The following SLC22A17 variants were observed in gnomAD, a reference collection of about 807,000 sequenced individuals.
The protein encoded by SLC22A17 is solute carrier family 22 member 17.
In SLC22A17, 38 loss-of-function variants were observed where a neutral mutation model predicts 53.6. The ratio of observed to expected loss-of-function variants is 0.71; its 90% CI spans 0.55 to 0.93. The LOEUF (loss-of-function observed/expected upper bound fraction) is 0.93. Among genes scored for constraint, SLC22A17 ranks in the 40% least tolerant of loss-of-function variants. The probability of loss-of-function intolerance (pLI) is 0.00; values close to 1 mark genes in which losing one functional copy is unlikely to be tolerated. For missense variants in SLC22A17, 704 were observed against 791.0 expected (o/e 0.89, Z 1.32); for synonymous variants, 379 against 353.0 (o/e 1.07, Z -0.82).
rs750340103 is a variant in SLC22A17, at chr14:23,352,437, G to T, written c.111C>A (p.Leu37=). Residue 37 remains leucine (L), a synonymous_variant, in exon 2 of 10, where the codon CTC becomes CTA. Coordinates refer to ENST00000397267, the Ensembl canonical transcript of SLC22A17. The surrounding 1 kb of genome is among the most constrained non-coding windows in gnomAD (Gnocchi z 7.2). ...GCTGCTCCGTGGGCACCGCATCTCC[G>T]AGGGTCCCGACCTGCTGTTGGGGGG... The T allele has an allele frequency of 6.3e-6, 3 of 478,432 alleles. No individual in the cohort carries two copies. The highest frequency in any genetic ancestry group is 1.1e-5 in the Non-Finnish European group (3 of 279,022). The allele number at this position is 478,432 out of a possible 1,614,324, so 29.6% of individuals were successfully genotyped here. A position where few individuals can be genotyped will look rare whatever the true frequency, so the allele number is the denominator to read the frequency against.
At chr14:23,346,494 G>T in exon 10 of SLC22A17, 1 of 923,310 alleles carries the variant, frequency 1.1e-6, no homozygotes, top group Non-Finnish European at 1.6e-6. Context: ...CAGGGAGGAG[G>T]CAGGGTGGGG....
chr14:23,347,273 G>A lies in SLC22A17; in HGVS notation c.1550-61C>T, dbSNP rs1057133886. 16 of 1,516,668 alleles carry A rather than the reference G, an allele frequency of 1.1e-5. No homozygotes were observed. The Admixed American group carries it at 1.3e-4, about 13-fold the overall frequency. The allele number at this position is 1,516,668 out of a possible 1,614,324, so 94.0% of individuals were successfully genotyped here. ...GGGAGGTCAAGGCTGGCCTAGTCCC[G>A]GGTGTCATCCCCTTGGCTCTCTGTT... is the stretch of plus-strand genomic sequence containing the variant. On this transcript the variant is annotated intron_variant, in intron 8 of 9. Coordinates refer to ENST00000397267, the Ensembl canonical transcript of SLC22A17. The surrounding 1 kb of genome is among the most constrained non-coding windows in gnomAD (Gnocchi z 5.1).
At chr14:23,346,884 C>G (rs994317813) in exon 10 of SLC22A17, 1 of 1,538,344 alleles carries the variant, frequency 6.5e-7, no homozygotes, top group Non-Finnish European at 8.7e-7. Flanking sequence ...TGGGCCGGGC[C>G]GCTCAGTCCT....
intron 3 of SLC22A17, 51 bp from the exon 4 acceptor site, chr14:23,349,477 A>G: frequency 1.9e-6 from 3 of 1,574,018 alleles, no homozygotes; most frequent in South Asian, 1.2e-5. Flanking sequence ...GTGGTGGGAA[A>G]GTTGCTGGGT....
intron 3 of SLC22A17, among the ~76,000 whole-genome samples, chr14:23,350,565 T>G (rs1471496498): frequency 6.6e-6 from 1 of 152,152 alleles, no homozygotes; most frequent in Non-Finnish European, 1.5e-5. Flanking sequence ...ATAAGACCAT[T>G]GATCTATGGA....
rs1029327260 is a variant in SLC22A17 at position 23,347,403 on chromosome 14, TG to T, written c.1549+56del. The T allele has an allele frequency of 3.2e-6, 5 of 1,585,476 alleles. No individual in the cohort carries two copies. In the African/African-American group the frequency reaches 5.4e-5, roughly 17 times the overall value. On this transcript the variant is annotated intron_variant, in intron 8 of 9. Coordinates refer to ENST00000397267, the Ensembl canonical transcript of SLC22A17. This position sits in a 1 kb window ranked among gnomAD's most constrained non-coding sequence, Gnocchi z 5.1. ...GCTCGTGGAAGAGCTGGGCAGGGTCTGGGGCTTGTCTTGGGAGGCCTGTGCC... is the reference window on the plus strand; with the variant it reads ...GCTCGTGGAAGAGCTGGGCAGGGTCTGGGCTTGTCTTGGGAGGCCTGTGCC...
In SLC22A17 at chr14:23,351,943, C is replaced by G. The variant is rs1344414780; in HGVS notation, c.600+5G>C. ...CCAGACCCGCGGCCCGCCTGGCCGC[C>G]TCACCTGGCCGATGGCGTTGGTGGT... On this transcript the variant is annotated splice_donor_5th_base_variant and intron_variant, in intron 2 of 9. Transcript: ENST00000397267. 7 of 1,612,026 alleles carry G rather than the reference C, an allele frequency of 4.3e-6. No individual in the cohort carries two copies. Among genetic ancestry groups the G allele is most frequent in the Non-Finnish European group, 5.9e-6 (7 of 1,179,044 alleles).
Position 23,347,931 on chromosome 14 carries a change from G to T in SLC22A17, c.1237C>A (p.Arg413Ser). ...ATAAGCAGATTTTTCCAGATGTTGC[G>T]GTAGTTGAGGAGGGAAGCAAAGGAA... Residue 413 changes from arginine (R) to serine (S), a missense_variant, in exon 7 of 10, where the codon CGC becomes AGC. Arg to Ser is a moderately radical substitution (Grantham distance 110, BLOSUM62 -1). Coordinates refer to ENST00000397267, the Ensembl canonical transcript of SLC22A17. This position sits in a 1 kb window ranked among gnomAD's most constrained non-coding sequence, Gnocchi z 5.1. 1 of 1,614,166 alleles carries T rather than the reference G, an allele frequency of 6.2e-7. No homozygotes were observed. The highest frequency in any genetic ancestry group is 1.7e-5 in the Admixed American group (1 of 60,022).
Position 23,347,863 on chromosome 14 carries a change from G to C in SLC22A17, c.1277+28C>G. ...CAGCCCCCATTCCAGCTACTGGCCT[G>C]GCCCTCAGCCCAGACACCCAGGCTC... is the stretch of plus-strand genomic sequence containing the variant. On this transcript the variant is annotated intron_variant, in intron 7 of 9. Transcript: ENST00000397267. This position sits in a 1 kb window ranked among gnomAD's most constrained non-coding sequence, Gnocchi z 5.1. 5.0e-6 allele frequency: 8 copies of C among 1,613,486 alleles called. No homozygotes were observed. Among genetic ancestry groups the C allele is most frequent in the Non-Finnish European group, 6.8e-6 (8 of 1,179,454 alleles).
At position 23,350,467 on chromosome 14, in the gene SLC22A17, A is replaced by G. The variant is rs57193742; in HGVS notation, c.705-1041T>C. ...AAGGTCACAGACCAGGGGAGATGAG[A>G]CTATTGGTAAGTGATTATGGTCACT... On this transcript the variant is annotated intron_variant, in intron 3 of 9. Transcript: ENST00000397267. Among the ~76,000 whole-genome samples, 186 of 152,280 alleles carry G rather than the reference A, an allele frequency of 1.2e-3. No individual in the cohort carries two copies. The Middle Eastern group carries it at 0.014, about 11-fold the overall frequency.
chr14:23,348,454 T>C lies in SLC22A17; in HGVS notation c.1025+52A>G, dbSNP rs183436925. On this transcript the variant is annotated intron_variant, in intron 5 of 9. Transcript: ENST00000397267. This position sits in a 1 kb window ranked among gnomAD's most constrained non-coding sequence, Gnocchi z 4.5. ...GGAGGGGTCTCCGGGCTAGGGCTAG[T>C]TTGGAGGCAGAGATGGGAATTGCCA... 1.8e-4 allele frequency: 281 copies of C among 1,596,700 alleles called. No individual in the cohort carries two copies. The African/African-American group carries it at 3.0e-3, about 17-fold the overall frequency.
Position 23,348,754 on chromosome 14 carries a change from G to A in SLC22A17, c.860-83C>T, listed in dbSNP as rs1889418064. 6 of 1,394,090 alleles carry A rather than the reference G, an allele frequency of 4.3e-6. No individual in the cohort carries two copies. Among genetic ancestry groups the A allele is most frequent in the Non-Finnish European group, 4.8e-6 (5 of 1,039,086 alleles). The allele number at this position is 1,394,090 out of a possible 1,614,324, so 86.4% of individuals were successfully genotyped here. On this transcript the variant is annotated intron_variant, in intron 4 of 9. Coordinates refer to ENST00000397267, the Ensembl canonical transcript of SLC22A17. The surrounding 1 kb of genome is among the most constrained non-coding windows in gnomAD (Gnocchi z 4.5). ...AGAGAGAAGAAGAAAGAGGGAGGGA[G>A]GAGGACAGAGAGAGAGGTCAGACCC...
At position 23,352,148 on chromosome 14, in the gene SLC22A17, TA is replaced by T. The variant is rs1347491320; in HGVS notation, c.399del (p.Asn134MetfsTer21). On this transcript the variant is annotated frameshift_variant, in exon 2 of 10. Coordinates refer to ENST00000397267, the Ensembl canonical transcript of SLC22A17. LOFTEE classifies it high-confidence loss of function. This position sits in a 1 kb window ranked among gnomAD's most constrained non-coding sequence, Gnocchi z 7.2. ...GGAGGCTGCTCCCAGCCAGAGGCATTAGGGGGGAAGGCCCCGTAGTGGCAAT... is the reference window on the plus strand; with the variant it reads ...GGAGGCTGCTCCCAGCCAGAGGCATTGGGGGGAAGGCCCCGTAGTGGCAAT... 8 of 1,568,992 alleles carry T rather than the reference TA, an allele frequency of 5.1e-6. No individual in the cohort carries two copies. Among genetic ancestry groups the T allele is most frequent in the East Asian group, 4.6e-5 (2 of 43,430 alleles).
At chr14:23,349,149 C>A (rs998824789) in intron 4 of SLC22A17, 123 bp downstream of exon 4, 1 of 1,288,572 alleles carries the variant, frequency 7.8e-7, no homozygotes, top group Non-Finnish European at 1.1e-6. Flanking sequence ...GGGGCCTGGG[C>A]AGAAAGATAG....
rs1889251863 is a variant in SLC22A17 at position 23,347,023 on chromosome 14, C to T, written c.1661+78G>A. On this transcript the variant is annotated intron_variant, in intron 9 of 9. Coordinates refer to ENST00000397267, the Ensembl canonical transcript of SLC22A17. The surrounding 1 kb of genome is among the most constrained non-coding windows in gnomAD (Gnocchi z 5.1). Reference sequence around the variant, plus strand: ...CAGCCCCCCTCCTCCAGCCCGCAGGCCCTGTCCTCAGGGGTGGGGTGGGGG... The same window carrying T: ...CAGCCCCCCTCCTCCAGCCCGCAGGTCCTGTCCTCAGGGGTGGGGTGGGGG... 1 of 1,519,010 alleles carries T rather than the reference C, an allele frequency of 6.6e-7. No homozygotes were observed. Among genetic ancestry groups the T allele is most frequent in the South Asian group, 1.3e-5 (1 of 78,338 alleles). 94.1% of individuals were successfully genotyped at this position (1,519,010 alleles called of 1,614,324 possible). A position where few individuals can be genotyped will look rare whatever the true frequency, so the allele number is the denominator to read the frequency against.
At chr14:23,349,411 C>G (rs141228721) in exon 4 of SLC22A17, 2 of 1,612,550 alleles carry the variant, frequency 1.2e-6, no homozygotes, top group South Asian at 2.2e-5. Context: ...GCAGCACAAT[C>G]CCGCGACGGC....
In SLC22A17 at chr14:23,348,325, G is replaced by T; in HGVS notation, c.1026-19C>A. 6.2e-7 allele frequency: 1 copy of T among 1,613,450 alleles called. No homozygotes were observed. The highest frequency in any genetic ancestry group is 8.5e-7 in the Non-Finnish European group (1 of 1,179,610). ...AGGCCAGCTGGGGGCAGGGGGGAAG[G>T]GGTATACTGTGAGGCCTCCCTTCTC... On this transcript the variant is annotated intron_variant, in intron 5 of 9. Coordinates refer to ENST00000397267, the Ensembl canonical transcript of SLC22A17. The surrounding 1 kb of genome is among the most constrained non-coding windows in gnomAD (Gnocchi z 4.5).
chr14:23,351,487 T>C, intron 3 of SLC22A17: 1 of 424,006 alleles, frequency 2.4e-6, no homozygotes, highest in East Asian at 4.4e-5. Flanking sequence ...AGGCCATTGA[T>C]TCACGGATAG....
Position 23,348,060 on chromosome 14 carries a change from G to C in SLC22A17, c.1172-64C>G, listed in dbSNP as rs2138512972. On this transcript the variant is annotated intron_variant, in intron 6 of 9. Transcript: ENST00000397267. The surrounding 1 kb of genome is among the most constrained non-coding windows in gnomAD (Gnocchi z 4.5). ...GAGATCCCAGGATCCTCCCACATGG[G>C]TGGTGGGGACCCTGGGAGAAGGTGG... The C allele has an allele frequency of 1.2e-6, 2 of 1,608,678 alleles. No homozygotes were observed. Among genetic ancestry groups the C allele is most frequent in the East Asian group, 2.2e-5 (1 of 44,852 alleles).
Sources: gnomAD v4.1 joint callset for allele counts (sites outside exome capture counted in the v4.1 genomes callset) on GRCh38, gnomAD v4.1.1 for gene constraint, Gnocchi (gnomAD v3.1) non-coding constraint, MANE v1.5 for transcripts, NCBI Gene and HGNC (gene_info 2026-07-23, HGNC 2026-07-21) for gene names.